Variants in ZNF407 observed in about 807,000 individuals in gnomAD.
ZNF407 encodes the protein zinc finger protein 407.
In ZNF407, 17 loss-of-function variants were observed where a neutral mutation model predicts 131.2. The ratio of observed to expected loss-of-function variants is 0.13; its 90% CI spans 0.09 to 0.19. The LOEUF is 0.19. Among genes scored for constraint, ZNF407 ranks in the 10% least tolerant of loss-of-function variants. The pLI is 1.00. For synonymous variants in ZNF407, 1,156 were observed against 1,062.0 expected (o/e 1.09, Z -1.72); for missense variants, 2,681 against 2,830.6 (o/e 0.95, Z 1.20).
chr18:74,676,529 C>G (rs910683602), intron 3 of ZNF407, among the ~76,000 whole-genome samples: 1 of 151,528 alleles, frequency 6.6e-6, no homozygotes, highest in Non-Finnish European at 1.5e-5. Context: ...CTCCGCCTCC[C>G]GGGTTCACGC....
At chr18:74,835,411 C>T (rs1970541409) in intron 4 of ZNF407, among the ~76,000 whole-genome samples, 1 of 152,132 alleles carries the variant, frequency 6.6e-6, no homozygotes, top group Non-Finnish European at 1.5e-5. Flanking sequence ...GTGAATTGGT[C>T]CCCGCCTCTG....
At chr18:74,630,392 C>A (rs1427145953) in intron 1 of ZNF407, among the ~76,000 whole-genome samples, 1 of 152,014 alleles carries the variant, frequency 6.6e-6, no homozygotes, top group Non-Finnish European at 1.5e-5. Flanking sequence ...AGGATGGTCT[C>A]GATCTCCTGA....
chr18:75,000,338 C>T (rs1159449847), intron 8 of ZNF407, among the ~76,000 whole-genome samples: 2 of 152,204 alleles, frequency 1.3e-5, no homozygotes, highest in Non-Finnish European at 2.9e-5. Context: ...AGACGTAAAA[C>T]AACGGTTGTG....
intron 3 of ZNF407, among the ~76,000 whole-genome samples, chr18:74,761,189 G>A (rs1568202692): frequency 1.4e-5 from 2 of 146,976 alleles, no homozygotes; most frequent in African/African-American, 2.7e-5. Context: ...TTGGATTTTT[G>A]AATTTTGATA....
intron 6 of ZNF407, among the ~76,000 whole-genome samples, chr18:74,888,980 A>G (rs556944085): frequency 2.2e-4 from 33 of 152,268 alleles, no homozygotes; most frequent in African/African-American, 7.7e-4. Context: ...CACATACACA[A>G]TGGTGGTCCT....
intron 3 of ZNF407, among the ~76,000 whole-genome samples, chr18:74,727,982 G>A (rs1271146611): frequency 6.6e-6 from 1 of 152,136 alleles, no homozygotes; most frequent in Admixed American, 6.5e-5. Flanking sequence ...GGGAGAAGGA[G>A]AGTGATGGAG....
Position 74,633,294 on chromosome 18 carries a change from C to T in ZNF407, c.2275C>T (p.Leu759Phe), listed in dbSNP as rs1402019301. The part of the protein sequence containing the change: ...MEKHIKRSKH[L>F]ENAKKNNIGL... ...GAAACACATTAAAAGAAGCAAGCAT[C>T]TTGAAAATGCTAAGAAAAATAATAT... The change falls in exon 2 of 9, where the codon CTT (leucine) becomes TTT (phenylalanine). Residue 759 changes from leucine (L) to phenylalanine (F), a missense_variant. Leu to Phe is a conservative substitution (Grantham distance 22, BLOSUM62 0). Coordinates refer to ENST00000299687, the MANE Select transcript of ZNF407 (RefSeq NM_017757.3). 1 of 1,612,560 alleles carries T rather than the reference C, an allele frequency of 6.2e-7. No homozygotes were observed. The highest frequency in any genetic ancestry group is 8.5e-7 in the Non-Finnish European group (1 of 1,179,560).
At chr18:74,659,485 A>C (rs1046408738) in intron 3 of ZNF407, among the ~76,000 whole-genome samples, 1 of 152,144 alleles carries the variant, frequency 6.6e-6, no homozygotes, top group Admixed American at 6.5e-5. Flanking sequence ...ATATTCTAAG[A>C]AGTTTGTTTA....
At chr18:74,796,122 C>A (rs932795495) in intron 4 of ZNF407, among the ~76,000 whole-genome samples, 1 of 152,144 alleles carries the variant, frequency 6.6e-6, no homozygotes, top group Non-Finnish European at 1.5e-5. Flanking sequence ...TATTTTCATT[C>A]TAGAAAAAAA....
intron 3 of ZNF407, among the ~76,000 whole-genome samples, chr18:74,749,975 T>A (rs1968760643): frequency 6.6e-6 from 1 of 152,206 alleles, no homozygotes; most frequent in Admixed American, 6.5e-5. Context: ...CTAAATTCAC[T>A]GGACAAAGTA....
intron 3 of ZNF407, among the ~76,000 whole-genome samples, chr18:74,726,373 A>G (rs1909696267): frequency 6.6e-6 from 1 of 152,234 alleles, no homozygotes; most frequent in Non-Finnish European, 1.5e-5. Flanking sequence ...ACTGACCATC[A>G]TGTCTGAATC....
In ZNF407 at chr18:74,641,201, G is replaced by C. The variant is rs988825989; in HGVS notation, c.4802+79G>C. ...AGCCATTGTTTCGGAATTCAAAACC[G>C]ATAGGAGTAAGAGTGGCTAAAATTA... On this transcript the variant is annotated intron_variant, in intron 3 of 8. Coordinates refer to ENST00000299687, the MANE Select transcript of ZNF407 (RefSeq NM_017757.3). 6.8e-6 allele frequency: 8 copies of C among 1,170,154 alleles called. No homozygotes were observed. In the South Asian group the frequency reaches 8.7e-5, roughly 13 times the overall value. The allele number at this position is 1,170,154 out of a possible 1,614,324, so 72.5% of individuals were successfully genotyped here.
chr18:74,832,075 G>T (rs770453989), intron 4 of ZNF407, among the ~76,000 whole-genome samples: 1 of 152,214 alleles, frequency 6.6e-6, no homozygotes, highest in Non-Finnish European at 1.5e-5. Flanking sequence ...TGAGCAGTTG[G>T]AGAGTCTTCA....
chr18:75,052,509 G>T (rs559144240), intron 8 of ZNF407, among the ~76,000 whole-genome samples: 7 of 152,276 alleles, frequency 4.6e-5, no homozygotes, highest in African/African-American at 1.7e-4. Context: ...CAGGCCTGTA[G>T]CTTTATTTTT....
At chr18:74,792,679 A>AAAGAT (rs1969848267) in intron 4 of ZNF407, among the ~76,000 whole-genome samples, 1 of 152,146 alleles carries the variant, frequency 6.6e-6, no homozygotes, top group African/African-American at 2.4e-5. Context: ...AATGTGTTCA[A>AAAGAT]AAGATAGAAT....
At chr18:74,688,155 A>G (rs61224335) in intron 3 of ZNF407, among the ~76,000 whole-genome samples, 2 of 152,316 alleles carry the variant, frequency 1.3e-5, no homozygotes, top group East Asian at 3.9e-4. Flanking sequence ...AAATTTGATT[A>G]TAGTTATGCT....
chr18:74,629,822 AT>A (rs1983968009), intron 1 of ZNF407, among the ~76,000 whole-genome samples: 1 of 152,100 alleles, frequency 6.6e-6, no homozygotes, highest in Admixed American at 6.6e-5. Flanking sequence ...ATGGAAAATG[AT>A]ATGTTTTAAT....
chr18:74,986,789 A>G (rs542906192), intron 8 of ZNF407, among the ~76,000 whole-genome samples: 2 of 152,360 alleles, frequency 1.3e-5, no homozygotes, highest in East Asian at 1.9e-4. Context: ...GAGTATGTGA[A>G]TGAAGAATAT....
At chr18:74,611,916 G>A (rs1258774564) in intron 1 of ZNF407, among the ~76,000 whole-genome samples, 8 of 152,120 alleles carry the variant, frequency 5.3e-5, no homozygotes, top group South Asian at 2.1e-4. Context: ...AAACTCATGC[G>A]CATGAGTGCC....
Sources: allele counts gnomAD v4.1 joint callset (sites outside exome capture counted in the v4.1 genomes callset), GRCh38; gene constraint gnomAD v4.1.1; transcripts MANE v1.5; gene names NCBI Gene and HGNC (gene_info 2026-07-23, HGNC 2026-07-21).